Variants in POLG2 observed in about 807,000 individuals in gnomAD.
POLG2 encodes the protein DNA polymerase subunit gamma-2.
A neutral mutation model predicts 56.5 loss-of-function variants in POLG2; 50 were observed. The ratio of observed to expected loss-of-function variants is 0.88; its 90% CI spans 0.71 to 1.12. The LOEUF (loss-of-function observed/expected upper bound fraction) is 1.12, where lower values mean the gene tolerates loss of function less well. Among genes scored for constraint, POLG2 ranks in the 50% most tolerant of loss-of-function variants. The pLI is 0.00. For synonymous variants in POLG2, 226 were observed against 222.6 expected, an observed-to-expected ratio of 1.02 and a Z score of -0.14; for missense variants, 584 against 583.3, an observed-to-expected ratio of 1.00 and a Z score of -0.01.
At chr17:64,485,972 A>T in intron 4 of POLG2, 104 bp from the exon 5 acceptor site, 1 of 1,102,388 alleles carries the variant, frequency 9.1e-7, no homozygotes, top group Non-Finnish European at 1.4e-6. Context: ...GCTGGAGTGC[A>T]GTGGCATGAT....
intron 6 of POLG2, among the ~76,000 whole-genome samples, chr17:64,482,338 T>C (rs1441301423): frequency 2.0e-5 from 3 of 147,822 alleles, no homozygotes; most frequent in South Asian, 4.3e-4. Flanking sequence ...TTTTTTTTTT[T>C]TTTTTGAGAC....
rs1452909092 is a variant in POLG2 at position 64,494,384 on chromosome 17, T to TAA, written c.563-1365_563-1364dup. 2.0e-5 allele frequency among the ~76,000 whole-genome samples: 3 copies of TAA among 152,104 alleles called. No individual in the cohort carries two copies. The Admixed American group carries it at 2.0e-4, about 10-fold the overall frequency. On this transcript the variant is annotated intron_variant, in intron 1 of 7. Transcript: ENST00000539111. ...AAATTTGATTACTTGGTTAAGGTAGTAAATATCCACTCCCCAATAATATCC... is the reference window on the plus strand; with the variant it reads ...AAATTTGATTACTTGGTTAAGGTAGTAAAAATATCCACTCCCCAATAATATCC...
intron 4 of POLG2, among the ~76,000 whole-genome samples, chr17:64,488,306 T>A (rs1185505429): frequency 6.6e-6 from 1 of 152,160 alleles, no homozygotes; most frequent in African/African-American, 2.4e-5. Flanking sequence ...CAACTAATGA[T>A]AAATAATTTT....
intron 7 of POLG2, 37 bp from the exon 8 acceptor site, chr17:64,478,025 A>G (rs2037795988): frequency 6.3e-7 from 1 of 1,599,146 alleles, no homozygotes; most frequent in Non-Finnish European, 8.6e-7. Context: ...CATGAGCACA[A>G]ATGTAAATAA....
At chr17:64,494,821 T>C (rs1247337018) in intron 1 of POLG2, among the ~76,000 whole-genome samples, 2 of 152,208 alleles carry the variant, frequency 1.3e-5, no homozygotes, top group Non-Finnish European at 2.9e-5. Context: ...CACCTTGTAC[T>C]TTCCCTAACC....
chr17:64,488,317 G>T (rs2037993500), intron 4 of POLG2, among the ~76,000 whole-genome samples: 1 of 152,126 alleles, frequency 6.6e-6, no homozygotes, highest in African/African-American at 2.4e-5. Context: ...AAATAATTTT[G>T]TGAACTCTGG....
At chr17:64,482,778 G>A in intron 6 of POLG2, 141 bp downstream of exon 6, 1 of 637,732 alleles carries the variant, frequency 1.6e-6, no homozygotes, top group South Asian at 1.8e-5. Context: ...ATGCTCATCA[G>A]AACATTTAAG....
intron 4 of POLG2, among the ~76,000 whole-genome samples, chr17:64,489,937 T>TA (rs1403892378): frequency 6.6e-6 from 1 of 152,064 alleles, no homozygotes; most frequent in African/African-American, 2.4e-5. Context: ...TTTTGTTTTT[T>TA]TTTTTTGAGA....
chr17:64,482,136 C>G (rs2037870926), intron 6 of POLG2, among the ~76,000 whole-genome samples: 1 of 119,756 alleles, frequency 8.4e-6, no homozygotes, highest in Non-Finnish European at 1.6e-5. Flanking sequence ...CAGGGTCTTG[C>G]TCTGTCACCC....
At position 64,482,935 on chromosome 17, in the gene POLG2, G is replaced by T; in HGVS notation, c.1175C>A (p.Thr392Lys). 6.3e-7 allele frequency: 1 copy of T among 1,590,610 alleles called. No homozygotes were observed. Among genetic ancestry groups the T allele is most frequent in the Non-Finnish European group, 8.6e-7 (1 of 1,158,884 alleles). ...TTAACTCACCTGTCTTAGTTCCAAT[G>T]TGGGGCCTCTTCCTACATCCAAAGC... Reference protein sequence around the residue: ...KVALDVGRGPTLELRQVCQGL... With the variant: ...KVALDVGRGPKLELRQVCQGL... Residue 392 changes from threonine to lysine, a missense_variant, in exon 6 of 8, where the codon ACA becomes AAA. By Grantham distance (78) the Thr-to-Lys change is moderately conservative. Coordinates refer to ENST00000539111, the MANE Select transcript of POLG2 (RefSeq NM_007215.4).
chr17:64,490,100 T>C (rs1277198872), intron 4 of POLG2, among the ~76,000 whole-genome samples: 2 of 152,142 alleles, frequency 1.3e-5, no homozygotes, highest in Non-Finnish European at 2.9e-5. Context: ...AATTTTTGTA[T>C]TTTTAGTAGA....
chr17:64,495,906 A>G (rs372833524), intron 1 of POLG2, among the ~76,000 whole-genome samples: 1 of 151,950 alleles, frequency 6.6e-6, no homozygotes, highest in East Asian at 1.9e-4. Context: ...ACGGGGTTTC[A>G]CCATGTTGGC....
At chr17:64,492,528 CAAAG>C (rs1471597492) in intron 3 of POLG2, 135 bp downstream of exon 3, 1 of 637,816 alleles carries the variant, frequency 1.6e-6, no homozygotes, top group Admixed American at 2.7e-5. Context: ...AAAATTGTTA[CAAAG>C]AGTTTTTGTA....
intron 6 of POLG2, among the ~76,000 whole-genome samples, chr17:64,480,829 T>C (rs2037844918): frequency 6.6e-6 from 1 of 151,682 alleles, no homozygotes; most frequent in Admixed American, 6.6e-5. Flanking sequence ...AGAAAAAGGA[T>C]GAGAAAAAGG....
At position 64,497,043 on chromosome 17, in the gene POLG2, A is replaced by AT; in HGVS notation, c.-76dup. On this transcript the variant is annotated 5_prime_UTR_variant, in exon 1 of 8. Transcript: ENST00000539111. ...ACAAGCCACCACTACCGTTAACAGA[A>AT]TCCGGAGAGGCCACGGCGCAGGCGC... 1 of 1,440,044 alleles carries AT rather than the reference A, an allele frequency of 6.9e-7. No homozygotes were observed. Among genetic ancestry groups the AT allele is most frequent in the South Asian group, 1.1e-5 (1 of 87,200 alleles). 89.2% of individuals were successfully genotyped at this position (1,440,044 alleles called of 1,614,324 possible).
intron 2 of POLG2, 22 bp from the exon 3 acceptor site, chr17:64,492,794 G>A: frequency 1.3e-6 from 2 of 1,597,998 alleles, no homozygotes; most frequent in Non-Finnish European, 1.7e-6. Flanking sequence ...AAACGTATCA[G>A]GAAGTTAGCT....
Position 64,496,494 on chromosome 17 carries a change from C to T in POLG2, c.475G>A (p.Asp159Asn). The part of the protein sequence containing the change: ...SAETLREILQ[D>N]KELSKEQLVA... ...AGCTGTTCCTTACTCAGCTCTTTGTCTTGCAAGATTTCGCGTAGAGTTTCT... is the reference window on the plus strand; with the variant it reads ...AGCTGTTCCTTACTCAGCTCTTTGTTTTGCAAGATTTCGCGTAGAGTTTCT... The change falls in exon 1 of 8, where the codon GAC (aspartate) becomes AAC (asparagine). Residue 159 changes from aspartate to asparagine, a missense_variant. Asp to Asn is a conservative substitution (Grantham distance 23). Transcript: ENST00000539111. The T allele has an allele frequency of 6.2e-7, 1 of 1,613,092 alleles. No homozygotes were observed. Among genetic ancestry groups the T allele is most frequent in the Non-Finnish European group, 8.5e-7 (1 of 1,179,082 alleles).
In POLG2 at chr17:64,496,660, G is replaced by A. The variant is rs2038157685; in HGVS notation, c.309C>T (p.Gly103=). ...CGGCCAGGTTCTTCCGCAACTCTAC[G>A]CCCAAGGGTCCGAAGCCGGGGTGGC... The part of the protein sequence containing the change: ...SGCHPGFGPL[G]VELRKNLAAE... The change falls in exon 1 of 8, where the codon GGC becomes GGT. Residue 103 remains glycine, a synonymous_variant. Coordinates refer to ENST00000539111, the MANE Select transcript of POLG2 (RefSeq NM_007215.4). The A allele has an allele frequency of 6.2e-7, 1 of 1,613,940 alleles. No individual in the cohort carries two copies. The highest frequency in any genetic ancestry group is 8.5e-7 in the Non-Finnish European group (1 of 1,179,994).
Position 64,485,796 on chromosome 17 carries a change from C to T in POLG2, c.1042G>A (p.Ala348Thr). The T allele has an allele frequency of 6.2e-7, 1 of 1,612,680 alleles. No individual in the cohort carries two copies. Among genetic ancestry groups the T allele is most frequent in the South Asian group, 1.1e-5 (1 of 91,058 alleles). ...AGCTGGAAAGAATCATAGAGGTAGG[C>T]CAGCATGCCTCGGTCTAGGTCCCCA... ...VNGDLDRGML[A>T]YLYDSFQLTE... The change falls in exon 5 of 8, where the codon GCC becomes ACC. Residue 348 changes from alanine to threonine, a missense_variant. By Grantham distance (58) the Ala-to-Thr change is moderately conservative. Coordinates refer to ENST00000539111, the MANE Select transcript of POLG2 (RefSeq NM_007215.4).
Sources: allele counts gnomAD v4.1 joint callset (sites outside exome capture counted in the v4.1 genomes callset), GRCh38; gene constraint gnomAD v4.1.1; transcripts MANE v1.5; gene names NCBI Gene and HGNC (gene_info 2026-07-23, HGNC 2026-07-21).